Variants in RBFOX1 observed in about 807,000 individuals in gnomAD.
RBFOX1 encodes RNA binding protein fox-1 homolog 1.
Under a neutral mutation model 57.7 loss-of-function variants are expected in RBFOX1, and 8 were observed. That is an observed-to-expected ratio of 0.14 (90% CI 0.08 to 0.25). RBFOX1 has a LOEUF of 0.25. Ranked by LOEUF, RBFOX1 falls within the 10% of genes least tolerant of loss-of-function variation. RBFOX1 has a pLI of 1.00. For missense variants in RBFOX1, 611 were observed against 548.5 expected, an observed-to-expected ratio of 1.11 and a Z score of -1.14; for synonymous variants, 326 against 222.4, an observed-to-expected ratio of 1.47 and a Z score of -4.15.
intron 3 of RBFOX1, among the ~76,000 whole-genome samples, chr16:5,768,639 C>T (rs927827452): frequency 6.6e-6 from 1 of 152,192 alleles, no homozygotes. Flanking sequence ...ATCTGCTCTT[C>T]TGTGCATTCC....
chr16:5,860,375 T>C (rs1178611899), intron 3 of RBFOX1, among the ~76,000 whole-genome samples: 3 of 152,144 alleles, frequency 2.0e-5, no homozygotes, highest in Non-Finnish European at 1.5e-5. Flanking sequence ...GCGCCTGGCC[T>C]ACTTCACCAC....
intron 2 of RBFOX1, among the ~76,000 whole-genome samples, chr16:6,537,274 A>C (rs987990650): frequency 1.3e-5 from 2 of 152,166 alleles, no homozygotes; most frequent in African/African-American, 4.8e-5. Flanking sequence ...ATGAACAGCA[A>C]TATTTTATAG....
At chr16:7,089,173 G>C (rs551689418) in intron 4 of RBFOX1, among the ~76,000 whole-genome samples, 37 of 152,070 alleles carry the variant, frequency 2.4e-4, no homozygotes, top group Admixed American at 7.2e-4. Flanking sequence ...AATGAATTCT[G>C]GCAGCTGGAG....
At chr16:6,277,632 A>G (rs1247279236) in intron 1 of RBFOX1, among the ~76,000 whole-genome samples, 1 of 147,070 alleles carries the variant, frequency 6.8e-6, no homozygotes, top group Admixed American at 6.9e-5. Flanking sequence ...CACCACGGCA[A>G]CCCAGCCTGG....
rs11647351 is a variant in RBFOX1 at position 5,913,874 on chromosome 16, A to T, written c.351+46539A>T. ...AGACACCATGCTGAGCACTTTGGAT[A>T]TATGAATGACATCTTTCTTTACACC... On this transcript the variant is annotated intron_variant, in intron 4 of 19. Coordinates refer to the RBFOX1 transcript ENST00000641259. Among the ~76,000 whole-genome samples the T allele has an allele frequency of 1.2e-3, 181 of 152,342 alleles. 4 individuals carry two copies. In the East Asian group the frequency reaches 0.032, roughly 27 times the overall value.
intron 4 of RBFOX1, among the ~76,000 whole-genome samples, chr16:7,104,484 A>G (rs1384925763): frequency 1.3e-5 from 2 of 152,176 alleles, no homozygotes; most frequent in Non-Finnish European, 1.5e-5. Flanking sequence ...AGTAAAATTT[A>G]AAAACATAAT....
intron 2 of RBFOX1, among the ~76,000 whole-genome samples, chr16:6,422,078 G>T (rs1428494084): frequency 6.6e-6 from 1 of 151,674 alleles, no homozygotes; most frequent in African/African-American, 2.4e-5. Context: ...GTACCACCAC[G>T]CCTGGCTAAT....
intron 3 of RBFOX1, among the ~76,000 whole-genome samples, chr16:6,903,303 G>C (rs935750370): frequency 1.3e-5 from 2 of 152,124 alleles, no homozygotes; most frequent in African/African-American, 2.4e-5. Context: ...TTCCTAGAGA[G>C]GTCAGCAGCC....
intron 4 of RBFOX1, among the ~76,000 whole-genome samples, chr16:7,116,060 C>T (rs140446262): frequency 1.3e-5 from 2 of 152,144 alleles, no homozygotes; most frequent in African/African-American, 4.8e-5. Context: ...GTTTTCATAA[C>T]AGCCCTTTCT....
At chr16:7,398,776 GC>G (rs1157822867) in intron 4 of RBFOX1, among the ~76,000 whole-genome samples, 23 of 152,210 alleles carry the variant, frequency 1.5e-4, no homozygotes, top group African/African-American at 5.5e-4. Context: ...GTGGCTGGGG[GC>G]CAGCTATTTT....
chr16:6,771,388 C>T (rs577832893), intron 3 of RBFOX1, among the ~76,000 whole-genome samples: 10 of 151,928 alleles, frequency 6.6e-5, no homozygotes, highest in African/African-American at 2.4e-4. Flanking sequence ...ATCTTTCTGA[C>T]GCCTAAGTCA....
chr16:6,552,487 A>T (rs1241279139), intron 2 of RBFOX1, among the ~76,000 whole-genome samples: 2 of 152,198 alleles, frequency 1.3e-5, no homozygotes, highest in African/African-American at 4.8e-5. Context: ...TACTACCTGC[A>T]AAGTATTCAG....
intron 2 of RBFOX1, among the ~76,000 whole-genome samples, chr16:6,611,394 G>A (rs760376099): frequency 5.3e-5 from 8 of 152,160 alleles, no homozygotes; most frequent in Admixed American, 4.6e-4. Flanking sequence ...TGATCCATCT[G>A]CCTCAGCCTC....
intron 4 of RBFOX1, among the ~76,000 whole-genome samples, chr16:7,473,017 CT>C (rs1453547597): frequency 1.3e-5 from 2 of 151,974 alleles, no homozygotes; most frequent in African/African-American, 2.4e-5. Flanking sequence ...CCTCACAGTC[CT>C]TATATTCAAA....
intron 4 of RBFOX1, among the ~76,000 whole-genome samples, chr16:7,234,301 C>T (rs368865604): frequency 6.6e-6 from 1 of 152,092 alleles, no homozygotes; most frequent in African/African-American, 2.4e-5. Flanking sequence ...AGTGGTTTAT[C>T]TTCCAGTGGG....
chr16:6,203,147 C>A (rs965061379), intron 1 of RBFOX1, among the ~76,000 whole-genome samples: 1 of 152,024 alleles, frequency 6.6e-6, no homozygotes, highest in African/African-American at 2.4e-5. Flanking sequence ...ATTTTTAAGT[C>A]TACAACACAG....
intron 3 of RBFOX1, among the ~76,000 whole-genome samples, chr16:5,724,525 T>C (rs999643900): frequency 6.6e-6 from 1 of 152,148 alleles, no homozygotes; most frequent in Non-Finnish European, 1.5e-5. Context: ...ACCTACCCAC[T>C]GTGAGAGCTT....
chr16:7,146,271 G>C (rs1371717661), intron 4 of RBFOX1, among the ~76,000 whole-genome samples: 2 of 152,156 alleles, frequency 1.3e-5, no homozygotes, highest in Non-Finnish European at 2.9e-5. Context: ...GAAATTTCTA[G>C]TTTCTCTGCC....
At chr16:5,429,355 A>T (rs1427000378) in intron 1 of RBFOX1, among the ~76,000 whole-genome samples, 1 of 152,132 alleles carries the variant, frequency 6.6e-6, no homozygotes, top group Non-Finnish European at 1.5e-5. Context: ...TTTGCCCCAT[A>T]AACTCTCCCA....
Sources: gnomAD v4.1 joint callset for allele counts (sites outside exome capture counted in the v4.1 genomes callset) on GRCh38, gnomAD v4.1.1 for gene constraint, MANE v1.5 for transcripts, NCBI Gene and HGNC (gene_info 2026-07-23, HGNC 2026-07-21) for gene names.